The following HDAC9 variants were observed in gnomAD, a reference collection of about 807,000 sequenced individuals.
HDAC9 encodes the protein MEF-2 interacting transcription repressor (MITR) protein.
In HDAC9, 41 loss-of-function variants were observed where a neutral mutation model predicts 139.4. That is an observed-to-expected ratio of 0.29 (90% CI 0.23 to 0.38). The LOEUF (loss-of-function observed/expected upper bound fraction) is 0.38. HDAC9 is among the 10% of genes least tolerant of loss of function. The pLI is 1.00. For missense variants in HDAC9, 1,147 were observed against 1,297.0 expected (o/e 0.88, Z 1.78); for synonymous variants, 517 against 476.2 (o/e 1.09, Z -1.12).
At chr7:18,620,965 TAA>T (rs1840058045) in intron 6 of HDAC9, among the ~76,000 whole-genome samples, 1 of 152,160 alleles carries the variant, frequency 6.6e-6, no homozygotes, top group Non-Finnish European at 1.5e-5. Context: ...ATGATGTACA[TAA>T]CAGTGCTGTC....
chr7:18,900,423 C>G (rs1801593760), intron 22 of HDAC9, among the ~76,000 whole-genome samples: 1 of 152,180 alleles, frequency 6.6e-6, no homozygotes, highest in African/African-American at 2.4e-5. Context: ...GCTAAACACA[C>G]AAATGCCAAC....
At chr7:18,870,857 G>C (rs1473756962) in intron 21 of HDAC9, among the ~76,000 whole-genome samples, 1 of 151,974 alleles carries the variant, frequency 6.6e-6, no homozygotes, top group African/African-American at 2.4e-5. Flanking sequence ...TTGGAGAGAT[G>C]GGGTCTCTCT....
chr7:18,993,398 C>T (rs1379315818), intron 25 of HDAC9, among the ~76,000 whole-genome samples: 6 of 152,134 alleles, frequency 3.9e-5, no homozygotes, highest in Non-Finnish European at 2.9e-5. Flanking sequence ...GATTCAAAGT[C>T]AAATTTTCGA....
chr7:18,841,689 A>C (rs1796594794), intron 21 of HDAC9, among the ~76,000 whole-genome samples: 1 of 152,088 alleles, frequency 6.6e-6, no homozygotes, highest in Non-Finnish European at 1.5e-5. Flanking sequence ...ATATAGCGAA[A>C]AATTCTTTGC....
intron 1 of HDAC9, among the ~76,000 whole-genome samples, chr7:18,129,647 G>T (rs1447533117): frequency 6.6e-6 from 1 of 152,076 alleles, no homozygotes; most frequent in Non-Finnish European, 1.5e-5. Context: ...TGTAGCTTGT[G>T]CAGTCTTGTA....
chr7:18,103,011 T>G (rs1021395684), intron 1 of HDAC9, among the ~76,000 whole-genome samples: 7 of 152,148 alleles, frequency 4.6e-5, no homozygotes, highest in Admixed American at 2.0e-4. Flanking sequence ...GGGTAATTTA[T>G]AAAGGAATGA....
intron 22 of HDAC9, among the ~76,000 whole-genome samples, chr7:18,889,115 C>A (rs942534785): frequency 6.6e-6 from 1 of 152,198 alleles, no homozygotes; most frequent in African/African-American, 2.4e-5. Flanking sequence ...ACTCTATGCT[C>A]CTCTGCCAAC....
intron 1 of HDAC9, among the ~76,000 whole-genome samples, chr7:18,341,851 T>A (rs1161960306): frequency 1.3e-5 from 2 of 151,786 alleles, no homozygotes; most frequent in Non-Finnish European, 2.9e-5. Context: ...TTTGTACTTC[T>A]ATAAATATTC....
intron 1 of HDAC9, among the ~76,000 whole-genome samples, chr7:18,090,386 T>A (rs35663104): frequency 1.4e-3 from 216 of 152,330 alleles, no homozygotes; most frequent in Non-Finnish European, 2.6e-3. Context: ...ACTGTTGGCC[T>A]GTTGATGGGA....
chr7:18,803,008 A>G (rs1793428131), intron 17 of HDAC9, among the ~76,000 whole-genome samples: 1 of 151,782 alleles, frequency 6.6e-6, no homozygotes, highest in South Asian at 2.1e-4. Context: ...ACATATCTCT[A>G]TCATCTTATT....
At chr7:18,623,163 GT>G (rs1199881044) in intron 6 of HDAC9, among the ~76,000 whole-genome samples, 2 of 148,832 alleles carry the variant, frequency 1.3e-5, no homozygotes, top group Non-Finnish European at 3.0e-5. Context: ...AAAAAAAAAA[GT>G]GAGCAGAGGC....
At chr7:18,568,884 C>T (rs921329264) in intron 2 of HDAC9, among the ~76,000 whole-genome samples, 2 of 151,902 alleles carry the variant, frequency 1.3e-5, no homozygotes, top group Non-Finnish European at 2.9e-5. Context: ...CTCCTCTCTA[C>T]TAAAAATACA....
chr7:18,196,244 AGGGATGT>A (rs1247635167), intron 2 of HDAC9, among the ~76,000 whole-genome samples: 1 of 152,212 alleles, frequency 6.6e-6, no homozygotes, highest in Non-Finnish European at 1.5e-5. Context: ...CATGAGAAAG[AGGGATGT>A]ACAATCTTAA....
intron 12 of HDAC9, among the ~76,000 whole-genome samples, chr7:18,705,642 G>C (rs1783830578): frequency 6.6e-6 from 1 of 151,958 alleles, no homozygotes; most frequent in Non-Finnish European, 1.5e-5. Context: ...CTCGAGGTCA[G>C]GGGTTCAAGA....
At chr7:18,378,941 T>C (rs1785208755) in intron 1 of HDAC9, among the ~76,000 whole-genome samples, 1 of 152,174 alleles carries the variant, frequency 6.6e-6, no homozygotes, top group African/African-American at 2.4e-5. Flanking sequence ...ATCTGATTTA[T>C]GGGCACATCA....
chr7:18,203,067 T>G (rs1396742861), intron 2 of HDAC9, among the ~76,000 whole-genome samples: 1 of 152,206 alleles, frequency 6.6e-6, no homozygotes, highest in African/African-American at 2.4e-5. Flanking sequence ...CGTGCCTAAT[T>G]GGGTGAATAG....
intron 1 of HDAC9, among the ~76,000 whole-genome samples, chr7:18,396,747 C>T (rs1787099514): frequency 1.3e-5 from 2 of 152,076 alleles, no homozygotes; most frequent in African/African-American, 4.8e-5. Flanking sequence ...ATATTAAAGA[C>T]TGCTAAATAT....
chr7:18,317,596 A>G (rs1477131226), intron 1 of HDAC9, among the ~76,000 whole-genome samples: 1 of 152,184 alleles, frequency 6.6e-6, no homozygotes, highest in South Asian at 2.1e-4. Context: ...GAGTTGAGTA[A>G]CTGGCTCCAG....
intron 2 of HDAC9, among the ~76,000 whole-genome samples, chr7:18,207,655 C>A (rs1791632399): frequency 6.7e-6 from 1 of 148,940 alleles, no homozygotes; most frequent in African/African-American, 2.5e-5. Context: ...TGCATGCATA[C>A]ACACACACAC....
Sources: allele counts gnomAD v4.1 joint callset (sites outside exome capture counted in the v4.1 genomes callset), GRCh38; gene constraint gnomAD v4.1.1; transcripts MANE v1.5; gene names NCBI Gene and HGNC (gene_info 2026-07-23, HGNC 2026-07-21).